NUBPL: variants seen among roughly 807,000 people sequenced by gnomAD.
NUBPL encodes the protein NUBP iron-sulfur cluster assembly factor, mitochondrial.
In NUBPL, 31 loss-of-function variants were observed where a neutral mutation model predicts 45.7. The ratio of observed to expected loss-of-function variants is 0.68; its 90% CI spans 0.51 to 0.92. NUBPL has a LOEUF of 0.92. Ranked by LOEUF, NUBPL falls within the 40% of genes least tolerant of loss-of-function variation. The pLI is 0.00. For synonymous variants in NUBPL, 144 were observed against 140.9 expected, an observed-to-expected ratio of 1.02 and a Z score of -0.15; for missense variants, 401 against 398.7, an observed-to-expected ratio of 1.01 and a Z score of -0.05.
chr14:31,808,153 T>C (rs1191674956), intron 7 of NUBPL, among the ~76,000 whole-genome samples: 1 of 152,248 alleles, frequency 6.6e-6, no homozygotes, highest in Non-Finnish European at 1.5e-5. Flanking sequence ...TTTCCAGTTC[T>C]GTGAAGAAAG....
intron 6 of NUBPL, among the ~76,000 whole-genome samples, chr14:31,729,705 G>T (rs1045494339): frequency 3.3e-5 from 5 of 151,674 alleles, no homozygotes; most frequent in Non-Finnish European, 7.4e-5. Context: ...ATATTAAGTT[G>T]GTGTAAAAGT....
chr14:31,758,569 A>T (rs2038726601), intron 6 of NUBPL, among the ~76,000 whole-genome samples: 1 of 152,102 alleles, frequency 6.6e-6, no homozygotes, highest in Admixed American at 6.5e-5. Context: ...ATTAAGTTTT[A>T]TGTGTGTTTA....
At chr14:31,829,425 T>C (rs1032798830) in intron 8 of NUBPL, among the ~76,000 whole-genome samples, 4 of 152,180 alleles carry the variant, frequency 2.6e-5, no homozygotes, top group Non-Finnish European at 4.4e-5. Flanking sequence ...CAATAAGCTC[T>C]GTGAACAGTT....
chr14:31,714,918 G>T (rs557927198), intron 6 of NUBPL: 78 of 152,258 alleles, frequency 5.1e-4, no homozygotes, highest in African/African-American at 1.8e-3. Context: ...AACAACAAAC[G>T]AGAAATAAGT....
intron 4 of NUBPL, among the ~76,000 whole-genome samples, chr14:31,643,667 T>C (rs1039555056): frequency 6.6e-6 from 1 of 152,144 alleles, no homozygotes; most frequent in Admixed American, 6.5e-5. Flanking sequence ...CCTTATAGGA[T>C]CCGTTTGGAA....
At chr14:31,686,249 A>G (rs2036950618) in intron 6 of NUBPL, among the ~76,000 whole-genome samples, 1 of 152,202 alleles carries the variant, frequency 6.6e-6, no homozygotes, top group African/African-American at 2.4e-5. Context: ...GAAAGTCCAA[A>G]GGAGAAAAAT....
chr14:31,676,332 C>CTT (rs777091582), intron 6 of NUBPL, among the ~76,000 whole-genome samples: 4 of 151,056 alleles, frequency 2.6e-5, no homozygotes, highest in Non-Finnish European at 4.4e-5. Flanking sequence ...CAGGATGTAG[C>CTT]TTTTTTTTTA....
chr14:31,651,003 C>G (rs2035988614), intron 4 of NUBPL, among the ~76,000 whole-genome samples: 1 of 152,234 alleles, frequency 6.6e-6, no homozygotes, highest in Non-Finnish European at 1.5e-5. Flanking sequence ...CCAAGCCATT[C>G]ATGAGGGATC....
At chr14:31,857,653 C>A (rs1265054552) in intron 10 of NUBPL, among the ~76,000 whole-genome samples, 2 of 152,154 alleles carry the variant, frequency 1.3e-5, no homozygotes, top group Non-Finnish European at 1.5e-5. Flanking sequence ...ATTCAAAGTT[C>A]CACAAATCTC....
chr14:31,655,246 C>A (rs1483428319), intron 4 of NUBPL, among the ~76,000 whole-genome samples: 2 of 152,164 alleles, frequency 1.3e-5, no homozygotes, highest in African/African-American at 2.4e-5. Context: ...GCAGCTTTAG[C>A]CTTATGAAGT....
intron 4 of NUBPL, among the ~76,000 whole-genome samples, chr14:31,667,151 C>G (rs546228645): frequency 6.6e-6 from 1 of 152,110 alleles, no homozygotes; most frequent in Admixed American, 6.6e-5. Context: ...TGTTTTCCAG[C>G]TCGGTTACAT....
intron 4 of NUBPL, among the ~76,000 whole-genome samples, chr14:31,660,805 G>T (rs748320051): frequency 2.0e-5 from 3 of 152,058 alleles, no homozygotes; most frequent in African/African-American, 7.2e-5. Context: ...AAGTACAAAG[G>T]TTTCTAAGGC....
intron 7 of NUBPL, among the ~76,000 whole-genome samples, chr14:31,814,941 C>T (rs1164920123): frequency 6.6e-6 from 1 of 152,074 alleles, no homozygotes; most frequent in Non-Finnish European, 1.5e-5. Context: ...TTGCTGTAGA[C>T]TTGTAGTATA....
At chr14:31,561,595 C>A in intron 1 of NUBPL, 48 bp downstream of exon 1, 1 of 1,220,778 alleles carries the variant, frequency 8.2e-7, no homozygotes, top group Non-Finnish European at 1.1e-6. Context: ...AGATGCTGGG[C>A]TGCAGGGCCG....
Position 31,735,665 on chromosome 14 carries a change from A to AC in NUBPL, c.514-52115_514-52114insC, listed in dbSNP as rs1250540685. On this transcript the variant is annotated intron_variant, in intron 6 of 10. Coordinates refer to ENST00000281081, the MANE Select transcript of NUBPL (RefSeq NM_025152.3). ...CCAGGAGTTCGAGACCAGCCTGGCCAACATGGTGAAACCCTGTCTCTACTA... is the reference window on the plus strand; with the variant it reads ...CCAGGAGTTCGAGACCAGCCTGGCCACACATGGTGAAACCCTGTCTCTACTA... Among the ~76,000 whole-genome samples the AC allele has an allele frequency of 1.2e-3, 179 of 151,930 alleles. No individual in the cohort carries two copies. The East Asian group carries it at 0.032, about 27-fold the overall frequency.
chr14:31,805,608 G>A (rs4981914), intron 7 of NUBPL, among the ~76,000 whole-genome samples: 152,140 of 152,300 alleles, frequency 1, 75,991 homozygotes, highest in Middle Eastern at 1. Context: ...GTTCCTTTGC[G>A]GGGACATGGA....
At chr14:31,757,945 ACTTATGG>A (rs35900784) in intron 6 of NUBPL, among the ~76,000 whole-genome samples, 3,087 of 152,062 alleles carry the variant, frequency 0.02, 86 homozygotes, top group African/African-American at 0.071. Flanking sequence ...GGGCCCTTGA[ACTTATGG>A]CTGTTCTCTC....
chr14:31,774,074 G>T (rs1261608885), intron 6 of NUBPL, among the ~76,000 whole-genome samples: 5 of 152,120 alleles, frequency 3.3e-5, no homozygotes. Flanking sequence ...ATGCCCTTAG[G>T]ATTTTAATTC....
intron 6 of NUBPL, among the ~76,000 whole-genome samples, chr14:31,762,202 T>C (rs1165020148): frequency 6.6e-6 from 1 of 152,202 alleles, no homozygotes; most frequent in Admixed American, 6.5e-5. Context: ...ACTTGAGTAT[T>C]GTGGATAGGC....
Sources: allele counts gnomAD v4.1 joint callset (sites outside exome capture counted in the v4.1 genomes callset), GRCh38; gene constraint gnomAD v4.1.1; transcripts MANE v1.5; gene names NCBI Gene and HGNC (gene_info 2026-07-23, HGNC 2026-07-21).